The following PCLAF variants were observed in gnomAD, a reference collection of about 807,000 sequenced individuals.
The protein encoded by PCLAF is PCNA-associated factor.
A neutral mutation model predicts 15.1 loss-of-function variants in PCLAF; 12 were observed. The ratio of observed to expected loss-of-function variants is 0.79; its 90% CI spans 0.51 to 1.29. PCLAF has a LOEUF of 1.29. Ranked by LOEUF, PCLAF falls within the 50% of genes most tolerant of loss-of-function variation. PCLAF has a pLI of 0.00. For missense variants in PCLAF, 116 were observed against 130.9 expected (o/e 0.89, Z 0.56); for synonymous variants, 33 against 47.1 (o/e 0.70, Z 1.22).
rs34009261 is a variant in PCLAF, at chr15:64,377,747, G to GTT, written c.128-844_128-843dup. On this transcript the variant is annotated intron_variant, in intron 2 of 3. Transcript: ENST00000300035. ...TCATAAGAGAAGTCCAATTCCTGGT[G>GTT]TTTTTTTTTTTTTTTTTTTTTTTTT... Among the ~76,000 whole-genome samples, 61 of 30,096 alleles carry GTT rather than the reference G, an allele frequency of 2.0e-3. 11 individuals carry two copies. Among genetic ancestry groups the GTT allele is most frequent in the African/African-American group, 5.4e-3 (53 of 9,774 alleles). 19.7% of individuals were successfully genotyped at this position (30,096 alleles called of 152,430 possible). A position where few individuals can be genotyped will look rare whatever the true frequency, so the allele number is the denominator to read the frequency against.
chr15:64,386,609 C>T (rs1265740822), intron 1 of PCLAF, among the ~76,000 whole-genome samples: 1 of 151,600 alleles, frequency 6.6e-6, no homozygotes, highest in Non-Finnish European at 1.5e-5. Context: ...AGGCATGAGC[C>T]ACCACGCCCA....
intron 3 of PCLAF, among the ~76,000 whole-genome samples, chr15:64,370,202 G>C (rs1287645652): frequency 6.7e-6 from 1 of 149,306 alleles, no homozygotes; most frequent in Non-Finnish European, 1.5e-5. Flanking sequence ...TTAACCTCCA[G>C]AGTAGTCAGG....
upstream of PCLAF, among the ~76,000 whole-genome samples, chr15:64,383,436 G>A (rs930904055): frequency 1.3e-5 from 2 of 150,698 alleles, no homozygotes; most frequent in African/African-American, 2.4e-5. Flanking sequence ...GCGTGTTCTC[G>A]GCTCACTGCA....
rs1898991969 is a variant in PCLAF at position 64,365,444 on chromosome 15, T to C, written c.*586A>G. The C allele has an allele frequency of 6.5e-6, 1 of 153,160 alleles. No homozygotes were observed. 9.5% of individuals were successfully genotyped at this position (153,160 alleles called of 1,614,324 possible). ...TATCCTAGTATTTTATCTTTTTTCT[T>C]GTTGTTGTAGAGGCATTATCAACCG... On this transcript the variant is annotated 3_prime_UTR_variant, in exon 4 of 4. Transcript: ENST00000300035.
At chr15:64,375,560 C>T (rs1008406116) in intron 3 of PCLAF, among the ~76,000 whole-genome samples, 1 of 151,882 alleles carries the variant, frequency 6.6e-6, no homozygotes, top group Non-Finnish European at 1.5e-5. Context: ...ATAGGCGGCG[C>T]CGCCACCCTT....
intron 2 of PCLAF, among the ~76,000 whole-genome samples, chr15:64,377,393 C>T (rs1489249681): frequency 4.2e-5 from 6 of 144,202 alleles, no homozygotes; most frequent in Non-Finnish European, 7.5e-5. Context: ...CTTGAACCAG[C>T]GAGTCGGAGG....
chr15:64,384,824 GTAATT>G (rs1899902262), upstream of PCLAF, among the ~76,000 whole-genome samples: 1 of 151,814 alleles, frequency 6.6e-6, no homozygotes, highest in Non-Finnish European at 1.5e-5. Context: ...AGGCAGAAAT[GTAATT>G]TAACAAATGA....
chr15:64,369,869 A>C (rs973323594), intron 3 of PCLAF, among the ~76,000 whole-genome samples: 1 of 152,216 alleles, frequency 6.6e-6, no homozygotes, highest in Non-Finnish European at 1.5e-5. Context: ...GATGTAACAG[A>C]TATAGAATGT....
At chr15:64,387,441 A>C (rs1402898811) in intron 1 of PCLAF, 1 of 1,218,828 alleles carries the variant, frequency 8.2e-7, no homozygotes, top group East Asian at 6.7e-5. Context: ...CAGAGCAAAA[A>C]CTTACAGCGC....
upstream of PCLAF, chr15:64,382,504 T>C (rs116098671): frequency 0.017 from 2,534 of 151,868 alleles, 66 homozygotes; most frequent in African/African-American, 0.059. Context: ...GGCAAGGAAA[T>C]GAAATGAAAC....
intron 3 of PCLAF, among the ~76,000 whole-genome samples, chr15:64,370,845 T>C (rs988046462): frequency 6.6e-6 from 1 of 150,542 alleles, no homozygotes; most frequent in African/African-American, 2.4e-5. Context: ...TTTTTTTTTT[T>C]TTTTTTTTTT....
chr15:64,387,197 C>G (rs1486229049), intron 1 of PCLAF, among the ~76,000 whole-genome samples: 2 of 151,868 alleles, frequency 1.3e-5, no homozygotes, highest in African/African-American at 4.8e-5. Context: ...CCGGTTAACA[C>G]GTGAAACCGC....
intron 3 of PCLAF, among the ~76,000 whole-genome samples, chr15:64,370,344 C>T (rs1361189054): frequency 6.6e-6 from 1 of 150,716 alleles, no homozygotes; most frequent in East Asian, 1.9e-4. Flanking sequence ...AAGTGCTAGG[C>T]ATGCCTGGCC....
intron 1 of PCLAF, 37 bp downstream of exon 1, chr15:64,381,289 C>T: frequency 1.2e-6 from 2 of 1,602,440 alleles, no homozygotes; most frequent in Non-Finnish European, 1.7e-6. Context: ...GCCGGGAGGA[C>T]CCCCCCGCCC....
At position 64,376,776 on chromosome 15, in the gene PCLAF, G is replaced by A. The variant is rs1222183466; in HGVS notation, c.257C>T (p.Ala86Val). ...TGCTTTTCCTAAGCCACTGCTTCCT[G>A]CCTCTTCAGGAATCTGATTCTCTTT... is the stretch of plus-strand genomic sequence containing the variant. ...SEKENQIPEE[A>V]GSSGLGKAKR... The change falls in exon 3 of 4, where the codon GCA (alanine) becomes GTA (valine). Residue 86 changes from alanine (A) to valine (V), a missense_variant. By Grantham distance (64) the Ala-to-Val change is moderately conservative. Coordinates refer to ENST00000300035, the MANE Select transcript of PCLAF (RefSeq NM_014736.6). The A allele has an allele frequency of 6.2e-7, 1 of 1,613,388 alleles. No homozygotes were observed. Among genetic ancestry groups the A allele is most frequent in the African/African-American group, 1.3e-5 (1 of 74,872 alleles).
chr15:64,366,160 C>T lies in PCLAF; in HGVS notation c.291-85G>A, dbSNP rs558963471. The T allele has an allele frequency of 1.0e-5, 10 of 954,394 alleles. No homozygotes were observed. The South Asian group carries it at 1.6e-4, about 15-fold the overall frequency. The allele number at this position is 954,394 out of a possible 1,614,324, so 59.1% of individuals were successfully genotyped here. On this transcript the variant is annotated intron_variant, in intron 3 of 3. Coordinates refer to ENST00000300035, the MANE Select transcript of PCLAF (RefSeq NM_014736.6). ...GTTACAAACCTATATAAATCAGGAA[C>T]ATTAATTAACAGTGCAGTAGATCTG...
intron 2 of PCLAF, 108 bp from the exon 3 acceptor site, chr15:64,377,013 A>G (rs1899622228): frequency 1.2e-6 from 1 of 830,908 alleles, no homozygotes; most frequent in Non-Finnish European, 1.8e-6. Flanking sequence ...GTATTAAATA[A>G]TCTTTATTTA....
In PCLAF at chr15:64,381,337, G is replaced by A. The variant is rs372935868; in HGVS notation, c.35C>T (p.Thr12Ile). 18 of 1,614,188 alleles carry A rather than the reference G, an allele frequency of 1.1e-5. No individual in the cohort carries two copies. The highest frequency in any genetic ancestry group is 1.4e-5 in the Non-Finnish European group (17 of 1,180,036). ...VRTKADSVPG[T>I]YRKVVAARAP... Reference sequence around the variant, plus strand: ...CTCGATCGCCTCACCTTTTCTGTAAGTGCCTGGAACACTGTCTGCTTTAGT... The same window carrying A: ...CTCGATCGCCTCACCTTTTCTGTAAATGCCTGGAACACTGTCTGCTTTAGT... Residue 12 changes from threonine (T) to isoleucine (I), a missense_variant, in exon 1 of 4, where the codon ACT (threonine) becomes ATT (isoleucine). By Grantham distance (89) the Thr-to-Ile change is moderately conservative. Coordinates refer to ENST00000300035, the MANE Select transcript of PCLAF (RefSeq NM_014736.6).
chr15:64,381,199 G>A (rs1402108949), intron 1 of PCLAF, 127 bp downstream of exon 1: 4 of 1,247,146 alleles, frequency 3.2e-6, no homozygotes, highest in Admixed American at 1.7e-5. Flanking sequence ...GGGGCCAGGC[G>A]GCTACTCCCT....
Sources: gnomAD v4.1 joint callset for allele counts (sites outside exome capture counted in the v4.1 genomes callset) on GRCh38, gnomAD v4.1.1 for gene constraint, MANE v1.5 for transcripts, NCBI Gene and HGNC (gene_info 2026-07-23, HGNC 2026-07-21) for gene names.